Variants in GRM7 observed in about 807,000 individuals in gnomAD.
GRM7 encodes metabotropic glutamate receptor 7.
In GRM7, 35 loss-of-function variants were observed where a neutral mutation model predicts 84.5. That is an observed-to-expected ratio of 0.41 (90% CI 0.32 to 0.55). The LOEUF is 0.55. GRM7 is among the 20% of genes least tolerant of loss of function. The probability of loss-of-function intolerance (pLI) is 0.19; values close to 1 mark genes in which losing one functional copy is unlikely to be tolerated. For missense variants in GRM7, 1,003 were observed against 1,194.6 expected (o/e 0.84, Z 2.36); for synonymous variants, 487 against 455.1 (o/e 1.07, Z -0.89).
intron 8 of GRM7, among the ~76,000 whole-genome samples, chr3:7,599,733 C>T (rs990062296): frequency 6.3e-4 from 96 of 152,094 alleles, no homozygotes; most frequent in Non-Finnish European, 1.6e-4. Flanking sequence ...ATCTTATACT[C>T]CTGAAAATCA....
chr3:7,467,304 G>GT (rs954946082), intron 7 of GRM7, among the ~76,000 whole-genome samples: 3 of 152,142 alleles, frequency 2.0e-5, no homozygotes, highest in Non-Finnish European at 4.4e-5. Flanking sequence ...AGCCAGGATG[G>GT]TCTTGATCTG....
At chr3:7,694,857 G>C (rs529028527) in intron 9 of GRM7, among the ~76,000 whole-genome samples, 1 of 152,002 alleles carries the variant, frequency 6.6e-6, no homozygotes, top group Non-Finnish European at 1.5e-5. Context: ...TTTATACTTC[G>C]GTCTAATTTA....
chr3:7,688,041 T>G (rs922621892), intron 9 of GRM7, among the ~76,000 whole-genome samples: 1 of 152,096 alleles, frequency 6.6e-6, no homozygotes, highest in South Asian at 2.1e-4. Flanking sequence ...ACACTGGAGC[T>G]CAACACTTTA....
At chr3:7,464,642 A>G (rs1698386515) in intron 7 of GRM7, among the ~76,000 whole-genome samples, 1 of 151,832 alleles carries the variant, frequency 6.6e-6, no homozygotes, top group South Asian at 2.1e-4. Flanking sequence ...CATCCTGGCT[A>G]ACACTGTGAA....
chr3:7,249,192 A>C (rs1031792896), intron 2 of GRM7, among the ~76,000 whole-genome samples: 1 of 152,004 alleles, frequency 6.6e-6, no homozygotes, highest in Non-Finnish European at 1.5e-5. Context: ...AGGTTTTGTG[A>C]CCTCCCCCAA....
At position 7,134,502 on chromosome 3, in the gene GRM7, T is replaced by TA. The variant is rs988831353; in HGVS notation, c.520-11943dup. Among the ~76,000 whole-genome samples, 3 of 152,182 alleles carry TA rather than the reference T, an allele frequency of 2.0e-5. No individual in the cohort carries two copies. The South Asian group carries it at 6.2e-4, about 32-fold the overall frequency. ...TGGTTTCCTCTCAGATATTTTATTT[T>TA]AAAAAAAGTTCCTTTCATCTAGAAA... On this transcript the variant is annotated intron_variant, in intron 1 of 9. Coordinates refer to ENST00000357716, the MANE Select transcript of GRM7 (RefSeq NM_000844.4).
chr3:7,153,004 C>A (rs1318163826), intron 2 of GRM7, among the ~76,000 whole-genome samples: 1 of 152,072 alleles, frequency 6.6e-6, no homozygotes, highest in Non-Finnish European at 1.5e-5. Context: ...ACAGTAACAG[C>A]AGTAGCAGTA....
chr3:6,872,802 T>G (rs1238911152), intron 1 of GRM7, among the ~76,000 whole-genome samples: 1 of 152,222 alleles, frequency 6.6e-6, no homozygotes, highest in African/African-American at 2.4e-5. Context: ...CGCATCCATT[T>G]TTATGGCTGC....
chr3:7,532,571 G>T (rs2125006111), intron 7 of GRM7, among the ~76,000 whole-genome samples: 1 of 152,030 alleles, frequency 6.6e-6, no homozygotes, highest in Non-Finnish European at 1.5e-5. Context: ...CAAAAAACCA[G>T]TTCCTGGGCT....
At chr3:7,455,352 T>A (rs1248934838) in intron 6 of GRM7, among the ~76,000 whole-genome samples, 1 of 152,150 alleles carries the variant, frequency 6.6e-6, no homozygotes, top group Non-Finnish European at 1.5e-5. Flanking sequence ...GATATTTGCA[T>A]AGCCCTCAAA....
At chr3:7,211,485 T>C (rs1321418081) in intron 2 of GRM7, among the ~76,000 whole-genome samples, 1 of 152,162 alleles carries the variant, frequency 6.6e-6, no homozygotes, top group Non-Finnish European at 1.5e-5. Flanking sequence ...CCTGAAACCC[T>C]ACCTGGTAAA....
At chr3:7,440,515 G>A (rs931451320) in intron 5 of GRM7, among the ~76,000 whole-genome samples, 4 of 152,082 alleles carry the variant, frequency 2.6e-5, no homozygotes, top group African/African-American at 9.7e-5. Context: ...ATTTTAATTT[G>A]AGTTTAGTTT....
At chr3:7,110,327 A>C (rs1237568170) in intron 1 of GRM7, among the ~76,000 whole-genome samples, 1 of 152,086 alleles carries the variant, frequency 6.6e-6, no homozygotes, top group Non-Finnish European at 1.5e-5. Context: ...CAGGCCAGGC[A>C]CGGTGGCTCA....
chr3:7,734,401 AG>A (rs1195562333), intron 9 of GRM7, among the ~76,000 whole-genome samples: 2 of 152,234 alleles, frequency 1.3e-5, no homozygotes, highest in Non-Finnish European at 2.9e-5. Flanking sequence ...ACAATGAATG[AG>A]AAGTGAGTAA....
intron 1 of GRM7, chr3:6,892,822 T>G (rs1696017388): frequency 6.6e-6 from 1 of 152,094 alleles, no homozygotes; most frequent in Admixed American, 6.6e-5. Context: ...TACTTGAGGC[T>G]ACATCATTCC....
chr3:7,432,546 T>C (rs534915907), intron 5 of GRM7, among the ~76,000 whole-genome samples: 2 of 151,676 alleles, frequency 1.3e-5, no homozygotes, highest in East Asian at 3.9e-4. Context: ...GGTCTCAAAC[T>C]CCTAACCTCA....
At chr3:7,537,603 A>C (rs752873749) in intron 7 of GRM7, among the ~76,000 whole-genome samples, 1 of 152,206 alleles carries the variant, frequency 6.6e-6, no homozygotes, top group African/African-American at 2.4e-5. Context: ...GTGTTTACCA[A>C]AACAATTGCT....
At chr3:7,687,763 A>G (rs1700639538) in intron 9 of GRM7, among the ~76,000 whole-genome samples, 1 of 152,126 alleles carries the variant, frequency 6.6e-6, no homozygotes, top group African/African-American at 2.4e-5. Flanking sequence ...ATATAAATAA[A>G]ATCTTTCTCT....
chr3:7,335,926 A>T (rs1433725678), intron 4 of GRM7, among the ~76,000 whole-genome samples: 12 of 152,084 alleles, frequency 7.9e-5, no homozygotes, highest in Admixed American at 7.9e-4. Context: ...ATTGCCAAAA[A>T]AAGGTCTAGG....
Sources: allele counts gnomAD v4.1 joint callset (sites outside exome capture counted in the v4.1 genomes callset), GRCh38; gene constraint gnomAD v4.1.1; transcripts MANE v1.5; gene names NCBI Gene and HGNC (gene_info 2026-07-23, HGNC 2026-07-21).